TBC1D22A: variants seen among roughly 807,000 people sequenced by gnomAD.
TBC1D22A encodes the protein TBC1 domain family member 22A.
TBC1D22A carries 38 observed loss-of-function variants against 60.2 expected under a neutral mutation model. The observed-to-expected ratio is 0.63, with a 90% CI of 0.49 to 0.83. TBC1D22A has a LOEUF of 0.83. Ranked by LOEUF, TBC1D22A falls within the 40% of genes least tolerant of loss-of-function variation. TBC1D22A has a pLI of 0.00. For synonymous variants in TBC1D22A, 302 were observed against 281.7 expected, an observed-to-expected ratio of 1.07 and a Z score of -0.72; for missense variants, 628 against 701.0, an observed-to-expected ratio of 0.90 and a Z score of 1.18.
At chr22:46,885,839 G>C (rs560487466) in intron 5 of TBC1D22A, among the ~76,000 whole-genome samples, 88 of 152,128 alleles carry the variant, frequency 5.8e-4, no homozygotes, top group Middle Eastern at 6.8e-3. Flanking sequence ...CACCCGGAAG[G>C]CACCGCAGAA....
chr22:46,763,216 G>A, intron 1 of TBC1D22A: 1 of 246,844 alleles, frequency 4.1e-6, no homozygotes, highest in Non-Finnish European at 7.8e-6. Context: ...CCCCCCGTCT[G>A]CTGGGTGGAT....
intron 8 of TBC1D22A, among the ~76,000 whole-genome samples, chr22:46,968,390 T>A (rs551162323): frequency 1.5e-4 from 23 of 152,320 alleles, no homozygotes; most frequent in African/African-American, 4.8e-4. Flanking sequence ...CACAGGGGGC[T>A]TTTGGATGGA....
At position 47,009,943 on chromosome 22, in the gene TBC1D22A, C is replaced by T. The variant is rs138452299; in HGVS notation, c.1201+12234C>T. Among the ~76,000 whole-genome samples, 436 of 152,334 alleles carry T rather than the reference C, an allele frequency of 2.9e-3. 2 individuals carry two copies. The highest frequency in any genetic ancestry group is 4.8e-3 in the Admixed American group (74 of 15,306). On this transcript the variant is annotated intron_variant, in intron 10 of 12. Coordinates refer to ENST00000337137, the MANE Select transcript of TBC1D22A (RefSeq NM_014346.5). The surrounding 1 kb of genome is among the most constrained non-coding windows in gnomAD (Gnocchi z 5.8). ...TGGAAGACACTGGCTGAGTCTGAGT[C>T]AGGGGCACCGAGGTGACAGTGGCCA... is the stretch of plus-strand genomic sequence containing the variant.
At chr22:47,024,601 C>G (rs998611278) in intron 10 of TBC1D22A, among the ~76,000 whole-genome samples, 2 of 152,196 alleles carry the variant, frequency 1.3e-5, no homozygotes, top group South Asian at 4.2e-4. Context: ...AACCCATAGT[C>G]CCAGCACTTT....
At chr22:46,780,927 G>C (rs1451230355) in intron 1 of TBC1D22A, among the ~76,000 whole-genome samples, 1 of 152,206 alleles carries the variant, frequency 6.6e-6, no homozygotes, top group Non-Finnish European at 1.5e-5. Context: ...TTAGTATTTT[G>C]TTTATTGTTT....
chr22:47,164,486 G>C (rs1383254944), intron 12 of TBC1D22A, among the ~76,000 whole-genome samples: 1 of 152,246 alleles, frequency 6.6e-6, no homozygotes, highest in African/African-American at 2.4e-5. Context: ...CTGGGGCATG[G>C]GACGGCCTGT....
chr22:46,814,715 C>T (rs937054467), intron 4 of TBC1D22A, among the ~76,000 whole-genome samples: 2 of 151,848 alleles, frequency 1.3e-5, no homozygotes, highest in African/African-American at 4.8e-5. Context: ...GACAAGGTCC[C>T]GGCTCACTGC....
intron 10 of TBC1D22A, among the ~76,000 whole-genome samples, chr22:46,999,101 C>T (rs775725429): frequency 2.6e-5 from 4 of 152,206 alleles, no homozygotes; most frequent in Admixed American, 1.3e-4. Context: ...AGGCGTATTT[C>T]GTGTTTTCGT....
At chr22:46,994,089 C>A (rs548744858) in intron 9 of TBC1D22A, among the ~76,000 whole-genome samples, 1 of 152,200 alleles carries the variant, frequency 6.6e-6, no homozygotes, top group Non-Finnish European at 1.5e-5. Flanking sequence ...AAATGCAGAC[C>A]TTTTCGTTAT....
intron 1 of TBC1D22A, among the ~76,000 whole-genome samples, chr22:46,787,373 T>A (rs575018106): frequency 1.3e-5 from 2 of 152,334 alleles, no homozygotes; most frequent in South Asian, 4.1e-4. Flanking sequence ...GAGTTGCCTC[T>A]CCTCTCTTTC....
At chr22:47,065,130 G>C (rs909953334) in intron 11 of TBC1D22A, among the ~76,000 whole-genome samples, 1 of 152,102 alleles carries the variant, frequency 6.6e-6, no homozygotes, top group Non-Finnish European at 1.5e-5. Flanking sequence ...CAAGTAGCTG[G>C]GATTACAGGT....
chr22:46,832,267 G>A (rs532545295), intron 4 of TBC1D22A, among the ~76,000 whole-genome samples: 4 of 152,246 alleles, frequency 2.6e-5, no homozygotes, highest in Non-Finnish European at 5.9e-5. Context: ...GGGAAGTCAC[G>A]TTGTCTCTCT....
chr22:46,974,607 G>A (rs140809983), intron 9 of TBC1D22A, among the ~76,000 whole-genome samples: 208 of 152,362 alleles, frequency 1.4e-3, no homozygotes, highest in African/African-American at 4.1e-3. Flanking sequence ...GCACGGTCAC[G>A]TGTCCTGCTG....
At chr22:47,030,820 T>C (rs1236675102) in intron 10 of TBC1D22A, among the ~76,000 whole-genome samples, 3 of 152,250 alleles carry the variant, frequency 2.0e-5, no homozygotes, top group African/African-American at 7.2e-5. Context: ...CTTTGATGTG[T>C]ATAAATGGGA....
intron 8 of TBC1D22A, among the ~76,000 whole-genome samples, chr22:46,944,219 T>C (rs2072364424): frequency 6.6e-6 from 1 of 152,238 alleles, no homozygotes; most frequent in African/African-American, 2.4e-5. Flanking sequence ...TGTTTTTATT[T>C]TAGCCATCCT....
intron 12 of TBC1D22A, among the ~76,000 whole-genome samples, chr22:47,147,244 G>T (rs1183702431): frequency 6.6e-6 from 1 of 152,232 alleles, no homozygotes; most frequent in Non-Finnish European, 1.5e-5. Flanking sequence ...CTCGGAGTCG[G>T]TCTGCTTTTG....
At chr22:47,037,024 C>T in intron 10 of TBC1D22A, 47 bp from the exon 11 acceptor site, 7 of 1,609,676 alleles carry the variant, frequency 4.3e-6, no homozygotes, top group Non-Finnish European at 5.9e-6. Context: ...CCAGTGCCTC[C>T]ATAGGGCTCC....
chr22:46,895,433 G>A (rs1335075888), intron 7 of TBC1D22A, among the ~76,000 whole-genome samples: 1 of 152,004 alleles, frequency 6.6e-6, no homozygotes. Flanking sequence ...GAGTACAGTG[G>A]TATGATCTCG....
chr22:46,819,710 T>G (rs2085748430), intron 4 of TBC1D22A, among the ~76,000 whole-genome samples: 1 of 152,222 alleles, frequency 6.6e-6, no homozygotes, highest in Non-Finnish European at 1.5e-5. Context: ...TTTTTTGTTG[T>G]GTCTCTTACC....
Sources: gnomAD v4.1 joint callset for allele counts (sites outside exome capture counted in the v4.1 genomes callset) on GRCh38, gnomAD v4.1.1 for gene constraint, Gnocchi (gnomAD v3.1) non-coding constraint, MANE v1.5 for transcripts, NCBI Gene and HGNC (gene_info 2026-07-23, HGNC 2026-07-21) for gene names.